The following MKRN1 variants were observed in gnomAD, a reference collection of about 807,000 sequenced individuals.
MKRN1 encodes makorin ring finger protein 1.
Under a neutral mutation model 55.5 loss-of-function variants are expected in MKRN1, and 9 were observed. That is an observed-to-expected ratio of 0.16 (90% CI 0.10 to 0.28). The LOEUF is 0.28. Ranked by LOEUF, MKRN1 falls within the 10% of genes least tolerant of loss-of-function variation. The probability of loss-of-function intolerance (pLI) is 1.00; values close to 1 mark genes in which losing one functional copy is unlikely to be tolerated. For synonymous variants in MKRN1, 253 were observed against 235.9 expected, an observed-to-expected ratio of 1.07 and a Z score of -0.66; for missense variants, 488 against 626.7, an observed-to-expected ratio of 0.78 and a Z score of 2.36.
chr7:140,471,802 G>A, intron 2 of MKRN1, 81 bp downstream of exon 2: 2 of 1,520,884 alleles, frequency 1.3e-6, no homozygotes, highest in South Asian at 1.2e-5. Context: ...TTTAATCAGT[G>A]ACATATAAAG....
intron 1 of MKRN1, among the ~76,000 whole-genome samples, chr7:140,474,064 A>T (rs1035355374): frequency 8.3e-5 from 12 of 145,166 alleles, no homozygotes; most frequent in East Asian, 4.3e-4. Context: ...AAAGAAAGAA[A>T]GAATAAAAGA....
At position 140,454,275 on chromosome 7, in the gene MKRN1, T is replaced by G; in HGVS notation, c.*242A>C. 1 of 530,370 alleles carries G rather than the reference T, an allele frequency of 1.9e-6. No individual in the cohort carries two copies. Among genetic ancestry groups the G allele is most frequent in the East Asian group, 3.3e-5 (1 of 29,852 alleles). 32.9% of individuals were successfully genotyped at this position (530,370 alleles called of 1,614,324 possible). A position where few individuals can be genotyped will look rare whatever the true frequency, so the allele number is the denominator to read the frequency against. On this transcript the variant is annotated 3_prime_UTR_variant, in exon 8 of 8. Coordinates refer to ENST00000255977, the MANE Select transcript of MKRN1 (RefSeq NM_013446.4). ...ACACCTACACTAACTGTCTGACAGT[T>G]AAATTCGTGTTACAAAAAACTAACT...
Position 140,472,027 on chromosome 7 carries a change from C to A in MKRN1, c.186-16G>T. 1 of 1,613,492 alleles carries A rather than the reference C, an allele frequency of 6.2e-7. No homozygotes were observed. The highest frequency in any genetic ancestry group is 2.2e-5 in the East Asian group (1 of 44,876). Reference sequence around the variant, plus strand: ...CATAAAATACCTGTGAGACGAAAGACCACAAAACTGGATTAAAACCAATCC... The same window carrying A: ...CATAAAATACCTGTGAGACGAAAGAACACAAAACTGGATTAAAACCAATCC... On this transcript the variant is annotated splice_polypyrimidine_tract_variant and intron_variant, in intron 1 of 7. Coordinates refer to ENST00000255977, the MANE Select transcript of MKRN1 (RefSeq NM_013446.4).
rs1461646032 is a variant in MKRN1 at position 140,459,927 on chromosome 7, A to G, written c.324T>C (p.His108=). ...CIYGDRCRYE[H]SKPLKQEEAT... ...CTTCTTCCTGTTTCAATGGTTTGCT[A>G]TGTTCATATCTAAGAAAAAATTCAA... is the stretch of plus-strand genomic sequence containing the variant. The change falls in exon 3 of 8, where the codon CAT becomes CAC. Residue 108 remains histidine (H), a synonymous_variant. Coordinates refer to ENST00000255977, the MANE Select transcript of MKRN1 (RefSeq NM_013446.4). 5 of 1,613,540 alleles carry G rather than the reference A, an allele frequency of 3.1e-6. No individual in the cohort carries two copies. Among genetic ancestry groups the G allele is most frequent in the East Asian group, 4.5e-5 (2 of 44,880 alleles).
rs577938574 is a variant in MKRN1, at chr7:140,453,386, G to C, written c.*1131C>G. The C allele has an allele frequency of 6.5e-6, 1 of 152,692 alleles. No individual in the cohort carries two copies. The highest frequency in any genetic ancestry group is 2.4e-5 in the African/African-American group (1 of 41,558). The allele number at this position is 152,692 out of a possible 1,614,324, so 9.5% of individuals were successfully genotyped here. ...CCACTACAATAAACACCTTAGAACAGAGTTTTGAATCACGTCTGTCTACCT... is the reference window on the plus strand; with the variant it reads ...CCACTACAATAAACACCTTAGAACACAGTTTTGAATCACGTCTGTCTACCT... On this transcript the variant is annotated 3_prime_UTR_variant, in exon 8 of 8. Coordinates refer to ENST00000255977, the MANE Select transcript of MKRN1 (RefSeq NM_013446.4).
chr7:140,473,955 G>A (rs934829325), intron 1 of MKRN1: 2 of 143,906 alleles, frequency 1.4e-5, no homozygotes, highest in African/African-American at 2.6e-5. Flanking sequence ...TTGTATCACT[G>A]CACTCTAGCC....
rs1794397069 is a variant in MKRN1, at chr7:140,453,869, T to C, written c.*648A>G. 6.3e-6 allele frequency: 1 copy of C among 157,730 alleles called. No individual in the cohort carries two copies. Among genetic ancestry groups the C allele is most frequent in the South Asian group, 1.8e-4 (1 of 5,410 alleles). 9.8% of individuals were successfully genotyped at this position (157,730 alleles called of 1,614,324 possible). A position where few individuals can be genotyped will look rare whatever the true frequency, so the allele number is the denominator to read the frequency against. On this transcript the variant is annotated 3_prime_UTR_variant, in exon 8 of 8. Coordinates refer to ENST00000255977, the MANE Select transcript of MKRN1 (RefSeq NM_013446.4). Reference sequence around the variant, plus strand: ...TGATGTTATGCCTCTCTATCTTTTATACGTATTCTTTCTCAATTTTCCTAT... The same window carrying C: ...TGATGTTATGCCTCTCTATCTTTTACACGTATTCTTTCTCAATTTTCCTAT...
intron 2 of MKRN1, among the ~76,000 whole-genome samples, chr7:140,466,202 A>G (rs1402137432): frequency 6.6e-6 from 1 of 152,218 alleles, no homozygotes; most frequent in African/African-American, 2.4e-5. Flanking sequence ...CAACCTTTTA[A>G]TAATCACCTA....
chr7:140,456,344 T>C (rs1794464939), intron 5 of MKRN1: 1 of 1,240,694 alleles, frequency 8.1e-7, no homozygotes, highest in African/African-American at 1.5e-5. Context: ...TCAGGAAACA[T>C]ACATTCAGAG....
rs369712962 is a variant in MKRN1 at position 140,479,301 on chromosome 7, C to A, written c.44G>T (p.Gly15Val). 3.8e-4 allele frequency: 511 copies of A among 1,361,748 alleles called. No homozygotes were observed. Among genetic ancestry groups the A allele is most frequent in the Admixed American group, 1.1e-3 (29 of 25,746 alleles). 84.4% of individuals were successfully genotyped at this position (1,361,748 alleles called of 1,614,324 possible). A position where few individuals can be genotyped will look rare whatever the true frequency, so the allele number is the denominator to read the frequency against. The stretch of plus-strand genomic sequence containing the variant: ...CGCCGTCGCCGCTGCCGCTCCTGCT[C>A]CTGATGTTGTGGCTGTTGTTCCGGG... ...ATPGTTATTSGAGAAAATAAA... is the reference protein window; with the variant it reads ...ATPGTTATTSVAGAAAATAAA... Residue 15 changes from glycine (G) to valine (V), a missense_variant, in exon 1 of 8, where the codon GGA (glycine) becomes GTA (valine). Physicochemically the swap from Gly to Val is moderately radical, Grantham distance 109. Around this residue, in one of 2 missense-constraint regions of MKRN1, gnomAD observed 210 missense variants for 220.0 expected, o/e 0.95. Coordinates refer to ENST00000255977, the MANE Select transcript of MKRN1 (RefSeq NM_013446.4).
In MKRN1 at chr7:140,456,716, T is replaced by A; in HGVS notation, c.922A>T (p.Thr308Ser). Reference protein sequence around the residue: ...RFGILSNCNHTYCLKCIRKWR... With the variant: ...RFGILSNCNHSYCLKCIRKWR... ...TTGCGAATGCACTTGAGACAGTAGG[T>A]GTGGTTGCAGTTGGAGAGGATCCCG... The change falls in exon 5 of 8, where the codon ACC becomes TCC. Residue 308 changes from threonine (T) to serine (S), a missense_variant. Physicochemically the swap from Thr to Ser is moderately conservative, Grantham distance 58. Transcript: ENST00000255977. 1 of 1,614,098 alleles carries A rather than the reference T, an allele frequency of 6.2e-7. No homozygotes were observed. Among genetic ancestry groups the A allele is most frequent in the South Asian group, 1.1e-5 (1 of 91,076 alleles).
chr7:140,454,856 A>G, intron 7 of MKRN1, 127 bp from the exon 8 acceptor site: 1 of 1,096,868 alleles, frequency 9.1e-7, no homozygotes, highest in Non-Finnish European at 1.3e-6. Flanking sequence ...TAGGGTTTCC[A>G]TTTACCACTT....
At chr7:140,456,580 G>A in intron 5 of MKRN1, 72 bp downstream of exon 5, 1 of 1,572,904 alleles carries the variant, frequency 6.4e-7, no homozygotes. Flanking sequence ...CCATCTGGTT[G>A]AAAGTTGGCA....
intron 2 of MKRN1, among the ~76,000 whole-genome samples, chr7:140,470,332 C>A (rs375959231): frequency 6.6e-6 from 1 of 152,184 alleles, no homozygotes; most frequent in South Asian, 2.1e-4. Flanking sequence ...CGGCTGTAAT[C>A]TCAGCACTTT....
At chr7:140,457,312 T>G (rs1794494512) in intron 4 of MKRN1, among the ~76,000 whole-genome samples, 1 of 152,190 alleles carries the variant, frequency 6.6e-6, no homozygotes, top group Non-Finnish European at 1.5e-5. Flanking sequence ...TTTCAACTAC[T>G]CAGCTTGATA....
intron 1 of MKRN1, among the ~76,000 whole-genome samples, chr7:140,475,593 G>A (rs923463515): frequency 1.3e-5 from 2 of 152,148 alleles, no homozygotes; most frequent in African/African-American, 2.4e-5. Context: ...GAGCCTGGGA[G>A]GTGGAGGCTG....
intron 1 of MKRN1, among the ~76,000 whole-genome samples, chr7:140,476,817 C>G (rs1440304536): frequency 6.6e-6 from 1 of 152,038 alleles, no homozygotes; most frequent in Non-Finnish European, 1.5e-5. Flanking sequence ...CGGTGGCTCA[C>G]GCCTCTAATC....
intron 2 of MKRN1, among the ~76,000 whole-genome samples, chr7:140,462,871 CACAAGAAT>C (rs1794662937): frequency 1.3e-5 from 2 of 152,152 alleles, no homozygotes; most frequent in East Asian, 3.9e-4. Context: ...GAGGCTGAGG[CACAAGAAT>C]CACTTGAACC....
At chr7:140,459,279 T>G in intron 3 of MKRN1, 46 bp from the exon 4 acceptor site, 1 of 1,583,996 alleles carries the variant, frequency 6.3e-7, no homozygotes, top group African/African-American at 1.3e-5. Context: ...AGATAAGGCA[T>G]GAACTATAAG....
Sources: gnomAD v4.1 joint callset for allele counts (sites outside exome capture counted in the v4.1 genomes callset) on GRCh38, gnomAD v4.1.1 for gene constraint, gnomAD v4.1.1 regional missense constraint, MANE v1.5 for transcripts, NCBI Gene and HGNC (gene_info 2026-07-23, HGNC 2026-07-21) for gene names.